CAPN8: variants seen among roughly 807,000 people sequenced by gnomAD.
The protein encoded by CAPN8 is calpain 8.
CAPN8 carries 87 observed loss-of-function variants against 80.9 expected under a neutral mutation model. The ratio of observed to expected loss-of-function variants is 1.07; its 90% CI spans 0.90 to 1.28. The LOEUF (loss-of-function observed/expected upper bound fraction) is 1.28. Among genes scored for constraint, CAPN8 ranks in the 50% most tolerant of loss-of-function variants. The pLI, the probability that CAPN8 is intolerant of heterozygous loss-of-function variation, is 0.00. For synonymous variants in CAPN8, 299 were observed against 273.8 expected (o/e 1.09, Z -0.91); for missense variants, 757 against 702.0 (o/e 1.08, Z -0.89).
chr1:223,541,974 A>C (rs1656477309), intron 20 of CAPN8, 115 bp from the exon 21 acceptor site: 1 of 1,492,732 alleles, frequency 6.7e-7, no homozygotes, highest in African/African-American at 1.4e-5. Flanking sequence ...TTCTCCAGTA[A>C]GTGCCTTGCT....
chr1:223,619,824 C>A (rs1479849181), intron 8 of CAPN8, among the ~76,000 whole-genome samples: 1 of 152,180 alleles, frequency 6.6e-6, no homozygotes, highest in East Asian at 1.9e-4. Context: ...CTAAGCCGTA[C>A]CATATTCAAG....
intron 11 of CAPN8, among the ~76,000 whole-genome samples, chr1:223,611,260 A>T (rs949371368): frequency 3.9e-5 from 6 of 152,232 alleles, no homozygotes; most frequent in Non-Finnish European, 8.8e-5. Context: ...CAAATGGAGC[A>T]CTAGCTGAAA....
At chr1:223,648,236 G>T (rs1658242944) in intron 2 of CAPN8, among the ~76,000 whole-genome samples, 3 of 152,212 alleles carry the variant, frequency 2.0e-5, no homozygotes, top group African/African-American at 7.2e-5. Context: ...CGGAGTAGAG[G>T]AGCCACCACG....
chr1:223,615,850 A>G (rs1432850955), intron 10 of CAPN8, 120 bp downstream of exon 10: 4 of 1,239,878 alleles, frequency 3.2e-6, no homozygotes, highest in Admixed American at 4.0e-5. Flanking sequence ...TAGAGGAGCA[A>G]GGACGCTTCT....
chr1:223,549,583 A>G, intron 15 of CAPN8: 1 of 778,596 alleles, frequency 1.3e-6, no homozygotes, highest in Admixed American at 2.0e-5. Context: ...TAGAACAGAC[A>G]AGCACCAGCA....
chr1:223,550,633 A>G (rs1477565158), intron 15 of CAPN8, among the ~76,000 whole-genome samples: 1 of 152,178 alleles, frequency 6.6e-6, no homozygotes, highest in Non-Finnish European at 1.5e-5. Flanking sequence ...ATTTTGTGAA[A>G]AAAATTCACT....
At chr1:223,643,589 A>C (rs1658103642) in intron 2 of CAPN8, among the ~76,000 whole-genome samples, 1 of 152,262 alleles carries the variant, frequency 6.6e-6, no homozygotes, top group Non-Finnish European at 1.5e-5. Context: ...TCTTAAAGGG[A>C]GTAGTAGAGG....
chr1:223,642,677 C>T (rs1571729356), intron 2 of CAPN8: 2 of 397,204 alleles, frequency 5.0e-6, no homozygotes, highest in East Asian at 7.2e-5. Context: ...GCCATTTTTG[C>T]CTTACCTTCT....
chr1:223,653,500 G>C (rs979147457), intron 2 of CAPN8, among the ~76,000 whole-genome samples: 1 of 151,938 alleles, frequency 6.6e-6, no homozygotes, highest in Admixed American at 6.6e-5. Flanking sequence ...TGATGCTGAG[G>C]TTTCTGTTTG....
rs1221497020 is a variant in CAPN8 at position 223,628,744 on chromosome 1, G to A, written c.344C>T (p.Thr115Ile). 1 of 1,553,956 alleles carries A rather than the reference G, an allele frequency of 6.4e-7. No homozygotes were observed. Among genetic ancestry groups the A allele is most frequent in the Non-Finnish European group, 8.7e-7 (1 of 1,148,416 alleles). ...CWLLAAIASL[T>I]LNEELLYRVV... The stretch of plus-strand genomic sequence containing the variant: ...CCGGTAAAGCAGCTCTTCATTCAGG[G>A]TCAGGGAGGCAATGGCAGCCAGAAG... The change falls in exon 3 of 21, where the codon ACC (threonine) becomes ATC (isoleucine). Residue 115 changes from threonine (T) to isoleucine (I), a missense_variant. Transcript: ENST00000366872.
chr1:223,611,562 T>C (rs1242233803), intron 11 of CAPN8, among the ~76,000 whole-genome samples: 1 of 152,234 alleles, frequency 6.6e-6, no homozygotes, highest in African/African-American at 2.4e-5. Context: ...TGCTCTACCC[T>C]GCCACTTCAA....
intron 2 of CAPN8, among the ~76,000 whole-genome samples, chr1:223,631,540 C>G (rs1038113848): frequency 6.6e-6 from 1 of 152,188 alleles, no homozygotes; most frequent in Non-Finnish European, 1.5e-5. Flanking sequence ...TGGATTCACT[C>G]ATCTCGGCAT....
At chr1:223,643,226 G>A (rs568870464) in intron 2 of CAPN8, among the ~76,000 whole-genome samples, 1 of 152,208 alleles carries the variant, frequency 6.6e-6, no homozygotes, top group East Asian at 1.9e-4. Context: ...GCACATCACC[G>A]TTATTGCTAG....
Position 223,665,408 on chromosome 1 carries a change from ACCGTGGG to A in CAPN8, c.232_237+1del. ...CACTCAACAGCAAGCCCGCTTCCTT[ACCGTGGG>A]CCGCTTCCAGATGATGCCTTGAGTT... is the stretch of plus-strand genomic sequence containing the variant. On this transcript the variant is annotated splice_donor_variant and coding_sequence_variant, in exon 1 of 21. Transcript: ENST00000366872. LOFTEE classifies it high-confidence loss of function. The A allele has an allele frequency of 6.5e-7, 1 of 1,550,050 alleles. No homozygotes were observed. The highest frequency in any genetic ancestry group is 8.7e-7 in the Non-Finnish European group (1 of 1,145,370).
At chr1:223,642,232 C>G (rs771933000) in intron 2 of CAPN8, among the ~76,000 whole-genome samples, 7 of 152,164 alleles carry the variant, frequency 4.6e-5, no homozygotes, top group Non-Finnish European at 8.8e-5. Flanking sequence ...AAAGATTAGC[C>G]CCAAGTCTGG....
At chr1:223,544,458 G>A (rs1191689231) in intron 18 of CAPN8, among the ~76,000 whole-genome samples, 1 of 152,174 alleles carries the variant, frequency 6.6e-6, no homozygotes, top group African/African-American at 2.4e-5. Flanking sequence ...AGCAAAAGCA[G>A]AGAAGGTGAG....
At chr1:223,625,129 T>G (rs1657529468) in intron 6 of CAPN8, among the ~76,000 whole-genome samples, 1 of 152,180 alleles carries the variant, frequency 6.6e-6, no homozygotes, top group African/African-American at 2.4e-5. Context: ...AAATAATGAC[T>G]AGTATAGCCC....
At chr1:223,646,315 G>A (rs961631026) in intron 2 of CAPN8, among the ~76,000 whole-genome samples, 2 of 152,210 alleles carry the variant, frequency 1.3e-5, no homozygotes, top group Non-Finnish European at 2.9e-5. Context: ...AGCCTTTTCT[G>A]GGATCATCCT....
chr1:223,623,175 A>G (rs1047682287), intron 6 of CAPN8, among the ~76,000 whole-genome samples: 1 of 152,372 alleles, frequency 6.6e-6, no homozygotes, highest in South Asian at 2.1e-4. Context: ...TTTAGATTTT[A>G]TAGTTGACTA....
Sources: allele counts gnomAD v4.1 joint callset (sites outside exome capture counted in the v4.1 genomes callset), GRCh38; gene constraint gnomAD v4.1.1; transcripts MANE v1.5; gene names NCBI Gene and HGNC (gene_info 2026-07-23, HGNC 2026-07-21).